The following SPTAN1 variants were observed in gnomAD, a reference collection of about 807,000 sequenced individuals.
The protein encoded by SPTAN1 is spectrin alpha chain, non-erythrocytic 1.
SPTAN1 carries 61 observed loss-of-function variants against 331.3 expected under a neutral mutation model. The ratio of observed to expected loss-of-function variants is 0.18; its 90% CI spans 0.15 to 0.23. The LOEUF is 0.23. SPTAN1 is among the 10% of genes least tolerant of loss of function. The pLI, the probability that SPTAN1 is intolerant of heterozygous loss-of-function variation, is 1.00. For synonymous variants in SPTAN1, 1,153 were observed against 1,173.9 expected (o/e 0.98, Z 0.36); for missense variants, 2,043 against 3,147.9 (o/e 0.65, Z 8.40).
intron 3 of SPTAN1, among the ~76,000 whole-genome samples, 176 bp downstream of exon 3, chr9:128,569,073 T>G (rs1251544164): frequency 6.6e-6 from 1 of 152,220 alleles, no homozygotes; most frequent in East Asian, 1.9e-4. Flanking sequence ...ACAGCATGAA[T>G]GCAAGCGTTT....
rs190095230 is a variant in SPTAN1, at chr9:128,574,588, G to T, written c.364-87G>T. The T allele has an allele frequency of 7.6e-5, 113 of 1,481,184 alleles. No individual in the cohort carries two copies. The African/African-American group carries it at 1.2e-3, about 15-fold the overall frequency. The allele number at this position is 1,481,184 out of a possible 1,614,324, so 91.8% of individuals were successfully genotyped here. On this transcript the variant is annotated intron_variant, in intron 3 of 56. Coordinates refer to ENST00000372739, the MANE Select transcript of SPTAN1 (RefSeq NM_001130438.3). ...ATATTTTTATTCAGCGCTCCATAAG[G>T]TCTCTAACTTGTCTAAACTCTATGG... is the stretch of plus-strand genomic sequence containing the variant.
chr9:128,630,036 T>C (rs1247817169), intron 51 of SPTAN1: 1 of 564,156 alleles, frequency 1.8e-6, no homozygotes, highest in African/African-American at 1.9e-5. Context: ...ATGGGGGAAT[T>C]TAAACTCCAT....
At chr9:128,633,097 C>T (rs767513681) in intron 56 of SPTAN1, 112 bp from the exon 57 acceptor site, 86 of 1,594,962 alleles carry the variant, frequency 5.4e-5, no homozygotes, top group Admixed American at 2.7e-4. Flanking sequence ...ACAGAAGTCC[C>T]GGATCTGCTT....
rs971064745 is a variant in SPTAN1 at position 128,574,320 on chromosome 9, T to C, written c.364-355T>C. On this transcript the variant is annotated intron_variant, in intron 3 of 56. Coordinates refer to ENST00000372739, the MANE Select transcript of SPTAN1 (RefSeq NM_001130438.3). ...TATTATTATATAATACTAAAATATA[T>C]AACTATACAATATAAATATATCATA... is the stretch of plus-strand genomic sequence containing the variant. Among the ~76,000 whole-genome samples the C allele has an allele frequency of 1.3e-4, 19 of 148,516 alleles. No individual in the cohort carries two copies. The East Asian group carries it at 1.6e-3, about 12-fold the overall frequency.
chr9:128,586,076 G>GTT (rs1222602636), intron 19 of SPTAN1, 111 bp downstream of exon 19: 1 of 421,680 alleles, frequency 2.4e-6, no homozygotes, highest in Non-Finnish European at 4.3e-6. Context: ...TACAGTGATT[G>GTT]TTTTTTAAAA....
chr9:128,575,873 A>G (rs1388047140), intron 5 of SPTAN1, among the ~76,000 whole-genome samples: 1 of 152,180 alleles, frequency 6.6e-6, no homozygotes, highest in Non-Finnish European at 1.5e-5. Flanking sequence ...TGCTTCCACT[A>G]CGAGTCCAAA....
At chr9:128,611,901 A>G in intron 38 of SPTAN1, 56 bp downstream of exon 38, 1 of 1,613,200 alleles carries the variant, frequency 6.2e-7, no homozygotes, top group Admixed American at 1.7e-5. Context: ...GTCACTGTCA[A>G]CCTGATATAA....
At chr9:128,571,113 C>A (rs535031542) in intron 3 of SPTAN1, among the ~76,000 whole-genome samples, 3 of 152,048 alleles carry the variant, frequency 2.0e-5, no homozygotes, top group Non-Finnish European at 4.4e-5. Flanking sequence ...CATAGTGAGA[C>A]CTCGTCTCTA....
chr9:128,587,507 T>C, intron 19 of SPTAN1, 99 bp from the exon 20 acceptor site: 6 of 922,676 alleles, frequency 6.5e-6, no homozygotes, highest in Non-Finnish European at 9.0e-6. Context: ...ATTGTGCAAC[T>C]GAGAAAGGCT....
intron 1 of SPTAN1, among the ~76,000 whole-genome samples, chr9:128,558,700 C>T (rs1452524933): frequency 6.6e-6 from 1 of 152,076 alleles, no homozygotes; most frequent in Non-Finnish European, 1.5e-5. Flanking sequence ...TCTGTGAAGT[C>T]GGCCTTATCA....
At chr9:128,570,248 G>A (rs1850491962) in intron 3 of SPTAN1, among the ~76,000 whole-genome samples, 1 of 149,730 alleles carries the variant, frequency 6.7e-6, no homozygotes, top group African/African-American at 2.5e-5. Flanking sequence ...AAGGGAGGAG[G>A]ACCTAAAGCT....
chr9:128,601,577 T>C (rs1424291620), intron 27 of SPTAN1, among the ~76,000 whole-genome samples: 2 of 151,712 alleles, frequency 1.3e-5, no homozygotes, highest in Non-Finnish European at 2.9e-5. Flanking sequence ...ATAAAAATGT[T>C]TTAAAAAGAA....
chr9:128,622,169 T>G lies in SPTAN1; in HGVS notation c.5832+913T>G, dbSNP rs529981376. The G allele has an allele frequency of 2.6e-5, 4 of 152,342 alleles. No homozygotes were observed. In the South Asian group the frequency reaches 6.2e-4, roughly 24 times the overall value. 9.4% of individuals were successfully genotyped at this position (152,342 alleles called of 1,614,324 possible). On this transcript the variant is annotated intron_variant, in intron 45 of 56. Coordinates refer to ENST00000372739, the MANE Select transcript of SPTAN1 (RefSeq NM_001130438.3). ...AACTAATTTCAGCTACAGCCATGTA[T>G]AGATGTAGACGTGGCTCCTGCACAC...
chr9:128,561,594 C>T (rs1175340749), intron 1 of SPTAN1, among the ~76,000 whole-genome samples: 14 of 130,180 alleles, frequency 1.1e-4, no homozygotes, highest in Non-Finnish European at 2.0e-4. Flanking sequence ...ACCGGGGAGG[C>T]GGAGCTTGCA....
intron 3 of SPTAN1, among the ~76,000 whole-genome samples, chr9:128,572,789 A>G (rs968961143): frequency 6.6e-6 from 1 of 152,122 alleles, no homozygotes; most frequent in Non-Finnish European, 1.5e-5. Flanking sequence ...GTGGCGCCCC[A>G]TAGTCACCGC....
intron 40 of SPTAN1, among the ~76,000 whole-genome samples, chr9:128,614,779 TGGG>T (rs1043848738): frequency 1.3e-3 from 196 of 152,186 alleles, no homozygotes; most frequent in African/African-American, 4.3e-3. Context: ...AAAAAGTTGT[TGGG>T]GGGTTAGTTG....
intron 27 of SPTAN1, among the ~76,000 whole-genome samples, chr9:128,602,312 G>C (rs1036884931): frequency 2.6e-5 from 4 of 151,762 alleles, no homozygotes; most frequent in Admixed American, 1.3e-4. Flanking sequence ...TGCCTCCTGG[G>C]TTCAAGCAAT....
At chr9:128,554,041 C>G (rs539667519) in intron 1 of SPTAN1, among the ~76,000 whole-genome samples, 54 of 152,080 alleles carry the variant, frequency 3.6e-4, no homozygotes, top group Non-Finnish European at 5.4e-4. Flanking sequence ...TTCATTGCAG[C>G]TAACTAATGT....
At chr9:128,595,298 C>T (rs1454375937) in intron 24 of SPTAN1, among the ~76,000 whole-genome samples, 1 of 152,026 alleles carries the variant, frequency 6.6e-6, no homozygotes, top group Non-Finnish European at 1.5e-5. Context: ...TTAGTACAAC[C>T]GGGATTTTGC....
Sources: gnomAD v4.1 joint callset for allele counts (sites outside exome capture counted in the v4.1 genomes callset) on GRCh38, gnomAD v4.1.1 for gene constraint, MANE v1.5 for transcripts, NCBI Gene and HGNC (gene_info 2026-07-23, HGNC 2026-07-21) for gene names.